Variants in FAIM observed in about 807,000 individuals in gnomAD.
FAIM encodes the protein fas apoptotic inhibitory molecule 1.
Under a neutral mutation model 21.2 loss-of-function variants are expected in FAIM, and 14 were observed. The ratio of observed to expected loss-of-function variants is 0.66; its 90% CI spans 0.44 to 1.03. The LOEUF is 1.03. Ranked by LOEUF, FAIM falls within the 50% of genes least tolerant of loss-of-function variation. The pLI is 0.00. For missense variants in FAIM, 222 were observed against 247.1 expected, an observed-to-expected ratio of 0.90 and a Z score of 0.68; for synonymous variants, 86 against 80.4, an observed-to-expected ratio of 1.07 and a Z score of -0.37.
At chr3:138,617,655 A>C (rs181202495) in intron 1 of FAIM, among the ~76,000 whole-genome samples, 1 of 138,166 alleles carries the variant, frequency 7.2e-6, no homozygotes, top group Non-Finnish European at 1.5e-5. Flanking sequence ...CTATATATAT[A>C]ATATATATAT....
At chr3:138,631,383 C>G (rs2043003793) in intron 5 of FAIM, among the ~76,000 whole-genome samples, 1 of 152,100 alleles carries the variant, frequency 6.6e-6, no homozygotes, top group South Asian at 2.1e-4. Context: ...CCCCTGTACT[C>G]CAGCCTGGGT....
Position 138,633,119 on chromosome 3 carries a change from A to G in FAIM, c.*40A>G. The G allele has an allele frequency of 6.3e-7, 1 of 1,579,914 alleles. No homozygotes were observed. Among genetic ancestry groups the G allele is most frequent in the Non-Finnish European group, 8.7e-7 (1 of 1,154,244 alleles). ...AAGAAGTAAAGATCAGGACTTTTTA[A>G]TTACTGTGGTAATTAAATGTGTTCA... is the stretch of plus-strand genomic sequence containing the variant. On this transcript the variant is annotated 3_prime_UTR_variant, in exon 6 of 6. Transcript: ENST00000360570.
At chr3:138,611,635 G>T (rs573871867) in intron 1 of FAIM, among the ~76,000 whole-genome samples, 65 of 152,322 alleles carry the variant, frequency 4.3e-4, no homozygotes, top group African/African-American at 1.5e-3. Context: ...CTAATGGGAG[G>T]TGTTTGGGTC....
chr3:138,621,606 A>G (rs1020980375), intron 3 of FAIM, 67 bp downstream of exon 3: 16 of 1,455,056 alleles, frequency 1.1e-5, no homozygotes, highest in Non-Finnish European at 1.5e-5. Flanking sequence ...TTAAAGTAGC[A>G]TCTTCATATG....
intron 1 of FAIM, among the ~76,000 whole-genome samples, chr3:138,613,944 CATT>C (rs1350011795): frequency 6.6e-6 from 1 of 152,130 alleles, no homozygotes; most frequent in African/African-American, 2.4e-5. Flanking sequence ...ACATTTAGAT[CATT>C]GAGATAACTT....
At chr3:138,615,136 A>G (rs1438705223) in intron 1 of FAIM, among the ~76,000 whole-genome samples, 2 of 152,234 alleles carry the variant, frequency 1.3e-5, no homozygotes, top group Non-Finnish European at 2.9e-5. Flanking sequence ...GGGCAAAATC[A>G]TCTAACACAA....
In FAIM at chr3:138,633,262, T is replaced by C. The variant is rs2043026303; in HGVS notation, c.*183T>C. On this transcript the variant is annotated 3_prime_UTR_variant, in exon 6 of 6. Coordinates refer to ENST00000360570, the MANE Select transcript of FAIM (RefSeq NM_001033031.2). ...TTATGTATAGTCATAAAAATTACAATTTATGATGCAAATAATGTAAAATGT... is the reference window on the plus strand; with the variant it reads ...TTATGTATAGTCATAAAAATTACAACTTATGATGCAAATAATGTAAAATGT... 9 of 410,690 alleles carry C rather than the reference T, an allele frequency of 2.2e-5. No homozygotes were observed. Among genetic ancestry groups the C allele is most frequent in the Non-Finnish European group, 2.9e-5 (7 of 239,308 alleles). The allele number at this position is 410,690 out of a possible 1,614,324, so 25.4% of individuals were successfully genotyped here. A position where few individuals can be genotyped will look rare whatever the true frequency, so the allele number is the denominator to read the frequency against.
chr3:138,617,557 C>CTATCTA (rs1392666063), intron 1 of FAIM, among the ~76,000 whole-genome samples: 1 of 146,642 alleles, frequency 6.8e-6, no homozygotes, highest in Non-Finnish European at 1.5e-5. Context: ...ACCTATCTGT[C>CTATCTA]TATCTATATC....
At chr3:138,612,545 C>T (rs1341550946) in intron 1 of FAIM, among the ~76,000 whole-genome samples, 6 of 152,086 alleles carry the variant, frequency 3.9e-5, no homozygotes, top group Admixed American at 2.0e-4. Context: ...GCCTTTTGGC[C>T]GAGATCAAGT....
chr3:138,609,601 T>C (rs1244285514), intron 1 of FAIM, among the ~76,000 whole-genome samples: 87 of 72,374 alleles, frequency 1.2e-3, no homozygotes, highest in Middle Eastern at 8.1e-3. Flanking sequence ...CGACTCTCTC[T>C]CTCTCTCTCT....
At chr3:138,626,767 A>T (rs1205228368) in intron 4 of FAIM, among the ~76,000 whole-genome samples, 3 of 152,172 alleles carry the variant, frequency 2.0e-5, no homozygotes, top group Non-Finnish European at 4.4e-5. Flanking sequence ...TTGTCATCTT[A>T]ATAGATTTTG....
intron 4 of FAIM, among the ~76,000 whole-genome samples, chr3:138,628,868 C>T (rs1641473028): frequency 6.6e-6 from 1 of 152,118 alleles, no homozygotes; most frequent in Non-Finnish European, 1.5e-5. Flanking sequence ...CCATAACTTT[C>T]TCTTAAAAGG....
chr3:138,615,305 G>A (rs2042814962), intron 1 of FAIM, among the ~76,000 whole-genome samples: 2 of 152,170 alleles, frequency 1.3e-5, no homozygotes. Context: ...ACCATTATAA[G>A]CCGGGGACCA....
chr3:138,619,895 C>G lies in FAIM; in HGVS notation c.44+125C>G, dbSNP rs927882853. 5 of 928,064 alleles carry G rather than the reference C, an allele frequency of 5.4e-6. No homozygotes were observed. The South Asian group carries it at 6.8e-5, about 13-fold the overall frequency. 57.5% of individuals were successfully genotyped at this position (928,064 alleles called of 1,614,324 possible). A position where few individuals can be genotyped will look rare whatever the true frequency, so the allele number is the denominator to read the frequency against. ...TTGTAAAATTGCAGAATACATGGTT[C>G]TGCTTTTGTGTGATTTAAAGCAGGA... On this transcript the variant is annotated intron_variant, in intron 2 of 5. Coordinates refer to ENST00000360570, the MANE Select transcript of FAIM (RefSeq NM_001033031.2).
chr3:138,615,251 T>A (rs1010581316), intron 1 of FAIM, among the ~76,000 whole-genome samples: 2 of 152,228 alleles, frequency 1.3e-5, no homozygotes, highest in African/African-American at 4.8e-5. Context: ...ACCAAACACG[T>A]ATCTCTTTTG....
intron 4 of FAIM, among the ~76,000 whole-genome samples, chr3:138,622,991 G>C (rs1319151353): frequency 2.0e-5 from 3 of 146,970 alleles, no homozygotes; most frequent in Non-Finnish European, 4.4e-5. Context: ...AATGAGCCGA[G>C]ATCGCACCAC....
Position 138,632,915 on chromosome 3 carries a change from CT to C in FAIM, c.457-11del, listed in dbSNP as rs1204976854. 2 of 1,610,048 alleles carry C rather than the reference CT, an allele frequency of 1.2e-6. No homozygotes were observed. Among genetic ancestry groups the C allele is most frequent in the Non-Finnish European group, 8.5e-7 (1 of 1,178,302 alleles). ...GTTTCTGCACCACTAATTCCTTCTT[CT>C]TTTGTTGCTCCAGGGTGAGTTTGTA... is the stretch of plus-strand genomic sequence containing the variant. On this transcript the variant is annotated splice_polypyrimidine_tract_variant and intron_variant, in intron 5 of 5. Coordinates refer to ENST00000360570, the MANE Select transcript of FAIM (RefSeq NM_001033031.2).
chr3:138,622,170 TTC>T lies in FAIM; in HGVS notation c.178-16_178-15del, dbSNP rs1286776408. 1.3e-6 allele frequency: 2 copies of T among 1,541,664 alleles called. No individual in the cohort carries two copies. Among genetic ancestry groups the T allele is most frequent in the Non-Finnish European group, 1.8e-6 (2 of 1,140,182 alleles). On this transcript the variant is annotated splice_polypyrimidine_tract_variant and intron_variant, in intron 3 of 5. Transcript: ENST00000360570. The stretch of plus-strand genomic sequence containing the variant: ...TTTTTCTTCCATTTGTTTCATATTT[TTC>T]TGTTTTATTATGTAGGAAGAGATAA...
chr3:138,620,242 G>T (rs1022037912), intron 2 of FAIM, among the ~76,000 whole-genome samples: 2 of 152,110 alleles, frequency 1.3e-5, no homozygotes, highest in East Asian at 3.9e-4. Context: ...ACTAATAGTA[G>T]CCATCTCATG....
Sources: allele counts gnomAD v4.1 joint callset (sites outside exome capture counted in the v4.1 genomes callset), GRCh38; gene constraint gnomAD v4.1.1; transcripts MANE v1.5; gene names NCBI Gene and HGNC (gene_info 2026-07-23, HGNC 2026-07-21).